The following RPRD1B variants were observed in gnomAD, a reference collection of about 807,000 sequenced individuals.
RPRD1B encodes regulation of nuclear pre-mRNA domain-containing protein 1B.
RPRD1B carries 11 observed loss-of-function variants against 41.5 expected under a neutral mutation model. The observed-to-expected ratio is 0.27, with a 90% CI of 0.17 to 0.44. RPRD1B has a LOEUF of 0.44. Among genes scored for constraint, RPRD1B ranks in the 20% least tolerant of loss-of-function variants. The pLI, the probability that RPRD1B is intolerant of heterozygous loss-of-function variation, is 1.00. For missense variants in RPRD1B, 248 were observed against 389.9 expected (o/e 0.64, Z 3.06); for synonymous variants, 158 against 155.6 (o/e 1.02, Z -0.12).
At chr20:38,066,340 A>G (rs939031609) in intron 6 of RPRD1B, 84 bp downstream of exon 6, 1 of 1,247,984 alleles carries the variant, frequency 8.0e-7, no homozygotes, top group African/African-American at 1.5e-5. Flanking sequence ...TGCTTTAATT[A>G]ACAACATTTT....
intron 1 of RPRD1B, among the ~76,000 whole-genome samples, chr20:38,039,816 C>T (rs904854764): frequency 4.0e-5 from 6 of 151,504 alleles, no homozygotes; most frequent in Admixed American, 2.0e-4. Flanking sequence ...TCACTGCAAC[C>T]TCCACCTCCT....
In RPRD1B at chr20:38,091,638, A is replaced by AC; in HGVS notation, c.*1769dup. 4.1e-6 allele frequency: 4 copies of AC among 984,264 alleles called. No individual in the cohort carries two copies. The highest frequency in any genetic ancestry group is 4.8e-6 in the Non-Finnish European group (4 of 829,860). 61.0% of individuals were successfully genotyped at this position (984,264 alleles called of 1,614,324 possible). A position where few individuals can be genotyped will look rare whatever the true frequency, so the allele number is the denominator to read the frequency against. ...TGCTGCACTCCCCAACCTCTCCCCC[A>AC]CCCCCCGTGGTGTGCTGCTTTCTAG... On this transcript the variant is annotated 3_prime_UTR_variant, in exon 7 of 7. Coordinates refer to ENST00000373433, the MANE Select transcript of RPRD1B (RefSeq NM_021215.4).
In RPRD1B at chr20:38,052,232, C is replaced by T. The variant is rs187157630; in HGVS notation, c.415+3751C>T. On this transcript the variant is annotated intron_variant, in intron 3 of 6. Coordinates refer to ENST00000373433, the MANE Select transcript of RPRD1B (RefSeq NM_021215.4). ...GGCAATGATACGAGTTTTGTTTGCC[C>T]CTGCCAGTTCTAGTATCTAATGTGC... is the stretch of plus-strand genomic sequence containing the variant. 5.9e-5 allele frequency among the ~76,000 whole-genome samples: 9 copies of T among 152,254 alleles called. No individual in the cohort carries two copies. In the East Asian group the frequency reaches 1.7e-3, roughly 29 times the overall value.
At chr20:38,048,509 T>C (rs1375574982) in intron 3 of RPRD1B, 28 bp downstream of exon 3, 1 of 1,569,244 alleles carries the variant, frequency 6.4e-7, no homozygotes, top group Admixed American at 1.8e-5. Context: ...TGTTTACAGC[T>C]CTTGGTCTTT....
At chr20:38,041,000 G>C (rs2074060658) in intron 2 of RPRD1B, among the ~76,000 whole-genome samples, 1 of 152,116 alleles carries the variant, frequency 6.6e-6, no homozygotes, top group Admixed American at 6.5e-5. Context: ...ACTAAAAATA[G>C]TAGGCATTAC....
chr20:38,042,513 A>T (rs1335460610), intron 2 of RPRD1B, among the ~76,000 whole-genome samples: 4 of 152,210 alleles, frequency 2.6e-5, no homozygotes, highest in African/African-American at 9.7e-5. Flanking sequence ...GTCTTGGCAG[A>T]TTCAGTGGCA....
Position 38,092,032 on chromosome 20 carries a change from GCTTA to G in RPRD1B, c.*2161_*2164del, listed in dbSNP as rs1357690525. ...TGCTGTCCACATCCTCCCAAAGTGT[GCTTA>G]CTTCATTTGTTTAATTTAAATGAAC... is the stretch of plus-strand genomic sequence containing the variant. On this transcript the variant is annotated 3_prime_UTR_variant, in exon 7 of 7. Coordinates refer to ENST00000373433, the MANE Select transcript of RPRD1B (RefSeq NM_021215.4). The G allele has an allele frequency of 2.0e-6, 2 of 985,696 alleles. No individual in the cohort carries two copies. Among genetic ancestry groups the G allele is most frequent in the Non-Finnish European group, 2.4e-6 (2 of 829,932 alleles). 61.1% of individuals were successfully genotyped at this position (985,696 alleles called of 1,614,324 possible). A position where few individuals can be genotyped will look rare whatever the true frequency, so the allele number is the denominator to read the frequency against.
chr20:38,034,506 C>A (rs2073973651), intron 1 of RPRD1B, among the ~76,000 whole-genome samples: 1 of 152,186 alleles, frequency 6.6e-6, no homozygotes, highest in East Asian at 1.9e-4. Context: ...CAGCTATTTG[C>A]CAGCTGAATA....
At chr20:38,037,217 A>G (rs1401255069) in intron 1 of RPRD1B, among the ~76,000 whole-genome samples, 2 of 151,904 alleles carry the variant, frequency 1.3e-5, no homozygotes, top group African/African-American at 4.9e-5. Context: ...TTCTAGGAAT[A>G]ATTTTTAATT....
chr20:38,046,275 A>G (rs73098422), intron 2 of RPRD1B, among the ~76,000 whole-genome samples: 503 of 152,202 alleles, frequency 3.3e-3, no homozygotes, highest in Middle Eastern at 6.8e-3. Flanking sequence ...GTAAACCTTC[A>G]TTGGTCGAGC....
At position 38,090,732 on chromosome 20, in the gene RPRD1B, C is replaced by T. The variant is rs1371415511; in HGVS notation, c.*857C>T. The T allele has an allele frequency of 1.0e-6, 1 of 985,520 alleles. No homozygotes were observed. Among genetic ancestry groups the T allele is most frequent in the African/African-American group, 1.7e-5 (1 of 57,380 alleles). The allele number at this position is 985,520 out of a possible 1,614,324, so 61.0% of individuals were successfully genotyped here. ...GGCTCCAAAAGATGAAGGCCCCACA[C>T]ACAGGTGTGCTGCATTTGGGATCTG... is the stretch of plus-strand genomic sequence containing the variant. On this transcript the variant is annotated 3_prime_UTR_variant, in exon 7 of 7. Coordinates refer to ENST00000373433, the MANE Select transcript of RPRD1B (RefSeq NM_021215.4).
intron 6 of RPRD1B, among the ~76,000 whole-genome samples, chr20:38,068,639 A>T (rs975451465): frequency 6.6e-6 from 1 of 152,178 alleles, no homozygotes; most frequent in Non-Finnish European, 1.5e-5. Context: ...ACGTCAAGTG[A>T]TCTGGCCGCT....
intron 6 of RPRD1B, among the ~76,000 whole-genome samples, chr20:38,071,907 A>G (rs746871766): frequency 6.6e-6 from 1 of 152,108 alleles, no homozygotes; most frequent in African/African-American, 2.4e-5. Context: ...TTCTTTATAT[A>G]TTGTGGATAA....
At chr20:38,052,331 C>T (rs1403189023) in intron 3 of RPRD1B, among the ~76,000 whole-genome samples, 1 of 152,030 alleles carries the variant, frequency 6.6e-6, no homozygotes, top group Non-Finnish European at 1.5e-5. Flanking sequence ...AGTTTTTGTG[C>T]GAGGCTGGAG....
intron 6 of RPRD1B, among the ~76,000 whole-genome samples, chr20:38,088,296 T>A (rs1229320925): frequency 1.3e-5 from 2 of 152,276 alleles, no homozygotes; most frequent in Non-Finnish European, 2.9e-5. Context: ...TTCTACTTTC[T>A]GCCTCTTCAG....
At chr20:38,065,237 G>T (rs935649146) in intron 5 of RPRD1B, among the ~76,000 whole-genome samples, 1 of 152,148 alleles carries the variant, frequency 6.6e-6, no homozygotes, top group Non-Finnish European at 1.5e-5. Context: ...TAGAGATCTG[G>T]CTTCGAGCCC....
chr20:38,081,993 C>G (rs1423485879), intron 6 of RPRD1B, among the ~76,000 whole-genome samples: 1 of 152,180 alleles, frequency 6.6e-6, no homozygotes, highest in Non-Finnish European at 1.5e-5. Context: ...CTGTGTTCAT[C>G]ACGGATATTG....
chr20:38,062,942 C>G (rs2074314690), intron 5 of RPRD1B, among the ~76,000 whole-genome samples: 1 of 150,136 alleles, frequency 6.7e-6, no homozygotes, highest in Non-Finnish European at 1.5e-5. Flanking sequence ...TCAAGCAATC[C>G]TCCCATCCTG....
intron 1 of RPRD1B, among the ~76,000 whole-genome samples, chr20:38,038,480 TTTTTG>T (rs1395411806): frequency 8.4e-4 from 111 of 132,572 alleles, no homozygotes; most frequent in African/African-American, 2.8e-3. Context: ...CGGCTGATTT[TTTTTG>T]TTTTGTTTTT....
Sources: allele counts gnomAD v4.1 joint callset (sites outside exome capture counted in the v4.1 genomes callset), GRCh38; gene constraint gnomAD v4.1.1; transcripts MANE v1.5; gene names NCBI Gene and HGNC (gene_info 2026-07-23, HGNC 2026-07-21).